The following MAGI1 variants were observed in gnomAD, a reference collection of about 807,000 sequenced individuals.
The protein encoded by MAGI1 is membrane-associated guanylate kinase, WW and PDZ domain-containing protein 1.
MAGI1 carries 58 observed loss-of-function variants against 139.9 expected under a neutral mutation model. That is an observed-to-expected ratio of 0.41 (90% confidence interval 0.34 to 0.52). The LOEUF is 0.52. Among genes scored for constraint, MAGI1 ranks in the 20% least tolerant of loss-of-function variants. The pLI is 0.12. For synonymous variants in MAGI1, 812 were observed against 737.9 expected, an observed-to-expected ratio of 1.10 and a Z score of -1.63; for missense variants, 1,874 against 1,901.6, an observed-to-expected ratio of 0.99 and a Z score of 0.27.
At chr3:65,463,589 TG>T (rs1949965681) in intron 5 of MAGI1, among the ~76,000 whole-genome samples, 1 of 151,312 alleles carries the variant, frequency 6.6e-6, no homozygotes, top group Non-Finnish European at 1.5e-5. Flanking sequence ...TGTGTGTGTG[TG>T]TGTGTGTGTG....
intron 1 of MAGI1, among the ~76,000 whole-genome samples, chr3:66,003,552 G>C (rs2066864637): frequency 6.6e-6 from 1 of 152,132 alleles, no homozygotes; most frequent in Non-Finnish European, 1.5e-5. Flanking sequence ...CCACCTCCCA[G>C]GTTGAAGAGA....
intron 1 of MAGI1, among the ~76,000 whole-genome samples, chr3:65,952,930 T>G (rs1302622918): frequency 6.6e-6 from 1 of 152,198 alleles, no homozygotes. Context: ...ACACTTACCA[T>G]GTGCAGATAC....
At chr3:65,645,501 A>G (rs1013778214) in intron 1 of MAGI1, among the ~76,000 whole-genome samples, 1 of 152,174 alleles carries the variant, frequency 6.6e-6, no homozygotes, top group African/African-American at 2.4e-5. Flanking sequence ...CAAAAAATTA[A>G]TAGACTTCAT....
intron 2 of MAGI1, among the ~76,000 whole-genome samples, chr3:65,601,729 T>TA (rs74854395): frequency 4.7e-4 from 70 of 149,214 alleles, no homozygotes; most frequent in East Asian, 2.4e-3. Flanking sequence ...AAAGCACAAA[T>TA]AAAAAAAAAA....
At chr3:65,796,183 C>A (rs1422500880) in intron 1 of MAGI1, among the ~76,000 whole-genome samples, 1 of 152,110 alleles carries the variant, frequency 6.6e-6, no homozygotes, top group Non-Finnish European at 1.5e-5. Flanking sequence ...AAGACACTCT[C>A]CAGGCAGAAT....
At chr3:65,799,338 GA>G (rs2040364680) in intron 1 of MAGI1, among the ~76,000 whole-genome samples, 1 of 152,184 alleles carries the variant, frequency 6.6e-6, no homozygotes, top group African/African-American at 2.4e-5. Context: ...GTGGCACCAG[GA>G]AGCACCGAGC....
chr3:65,509,611 C>T (rs1036993680), intron 2 of MAGI1, among the ~76,000 whole-genome samples: 8 of 152,330 alleles, frequency 5.3e-5, no homozygotes, highest in African/African-American at 1.4e-4. Flanking sequence ...TTAAAAAAGG[C>T]GAACCACGAG....
chr3:65,730,816 T>C (rs1156890235), intron 1 of MAGI1, among the ~76,000 whole-genome samples: 1 of 152,188 alleles, frequency 6.6e-6, no homozygotes, highest in Non-Finnish European at 1.5e-5. Context: ...TTTTGTTTTC[T>C]CTACAGCAAA....
intron 2 of MAGI1, among the ~76,000 whole-genome samples, chr3:65,577,106 C>T (rs1336123709): frequency 1.3e-5 from 2 of 152,082 alleles, no homozygotes; most frequent in Non-Finnish European, 2.9e-5. Flanking sequence ...GACAGTCACC[C>T]TAGGTGCTCT....
intron 12 of MAGI1, among the ~76,000 whole-genome samples, chr3:65,420,530 G>T (rs925068902): frequency 6.6e-6 from 1 of 152,110 alleles, no homozygotes; most frequent in African/African-American, 2.4e-5. Flanking sequence ...ATGAAATCAG[G>T]AGCCTGTTTG....
At chr3:65,627,018 G>A (rs2084004424) in intron 1 of MAGI1, among the ~76,000 whole-genome samples, 1 of 152,114 alleles carries the variant, frequency 6.6e-6, no homozygotes, top group Non-Finnish European at 1.5e-5. Context: ...AGAGAACATA[G>A]GTCAGAAACA....
At chr3:65,689,865 G>A (rs78841225) in intron 1 of MAGI1, among the ~76,000 whole-genome samples, 2,394 of 152,260 alleles carry the variant, frequency 0.016, 53 homozygotes, top group African/African-American at 0.054. Context: ...TCACAAGCCA[G>A]CAAGCTAAGG....
intron 1 of MAGI1, among the ~76,000 whole-genome samples, chr3:65,649,559 C>A (rs770110527): frequency 6.6e-6 from 1 of 151,914 alleles, no homozygotes; most frequent in Non-Finnish European, 1.5e-5. Context: ...GATGAAAAGA[C>A]TGGGAGAAAA....
intron 1 of MAGI1, among the ~76,000 whole-genome samples, chr3:65,738,191 C>A (rs934315304): frequency 2.0e-5 from 3 of 152,156 alleles, no homozygotes; most frequent in Non-Finnish European, 2.9e-5. Context: ...CTGATGACCG[C>A]CATAAAGTGA....
At chr3:65,762,565 A>G (rs2037121992) in intron 1 of MAGI1, among the ~76,000 whole-genome samples, 1 of 152,206 alleles carries the variant, frequency 6.6e-6, no homozygotes, top group Non-Finnish European at 1.5e-5. Context: ...TCATTTGTTC[A>G]TTCACTGGAG....
At chr3:65,856,113 G>A (rs1274825541) in intron 1 of MAGI1, among the ~76,000 whole-genome samples, 1 of 152,172 alleles carries the variant, frequency 6.6e-6, no homozygotes, top group East Asian at 1.9e-4. Flanking sequence ...CTGGGTGGGA[G>A]GAGTATTTTA....
chr3:66,015,376 T>C (rs1258465773), intron 1 of MAGI1, among the ~76,000 whole-genome samples: 1 of 151,992 alleles, frequency 6.6e-6, no homozygotes, highest in Non-Finnish European at 1.5e-5. Flanking sequence ...TCCTCATTGA[T>C]AACTGTGGAC....
At chr3:65,507,408 C>CAT (rs1259714901) in intron 2 of MAGI1, among the ~76,000 whole-genome samples, 120 of 152,280 alleles carry the variant, frequency 7.9e-4, no homozygotes, top group African/African-American at 2.7e-3. Context: ...ATTTAAATAT[C>CAT]ACATAAAATT....
At chr3:65,562,485 T>G (rs1401686093) in intron 2 of MAGI1, among the ~76,000 whole-genome samples, 2 of 152,222 alleles carry the variant, frequency 1.3e-5, no homozygotes, top group Non-Finnish European at 1.5e-5. Flanking sequence ...TTCTTTGTTG[T>G]GTTTTTTGTT....
Sources: allele counts gnomAD v4.1 joint callset (sites outside exome capture counted in the v4.1 genomes callset), GRCh38; gene constraint gnomAD v4.1.1; transcripts MANE v1.5; gene names NCBI Gene and HGNC (gene_info 2026-07-23, HGNC 2026-07-21).